LIMCH1: variants seen among roughly 807,000 people sequenced by gnomAD.
The protein encoded by LIMCH1 is LIM and calponin homology domains-containing protein 1.
Under a neutral mutation model 176.5 loss-of-function variants are expected in LIMCH1, and 113 were observed. That is an observed-to-expected ratio of 0.64 (90% CI 0.55 to 0.75). The LOEUF (loss-of-function observed/expected upper bound fraction) is 0.75. LIMCH1 is among the 30% of genes least tolerant of loss of function. The pLI, the probability that LIMCH1 is intolerant of heterozygous loss-of-function variation, is 0.00. For synonymous variants in LIMCH1, 619 were observed against 645.9 expected, an observed-to-expected ratio of 0.96 and a Z score of 0.63; for missense variants, 1,674 against 1,814.9, an observed-to-expected ratio of 0.92 and a Z score of 1.41.
At chr4:41,495,286 G>A (rs935406102) in intron 2 of LIMCH1, among the ~76,000 whole-genome samples, 1 of 152,144 alleles carries the variant, frequency 6.6e-6, no homozygotes, top group Non-Finnish European at 1.5e-5. Context: ...TTTCAATACT[G>A]ATTTTTGTTT....
chr4:41,567,092 G>C (rs559367481), intron 1 of LIMCH1, among the ~76,000 whole-genome samples: 13 of 152,320 alleles, frequency 8.5e-5, no homozygotes, highest in African/African-American at 3.1e-4. Flanking sequence ...CTGCCCAGTG[G>C]TGTGTCATAG....
chr4:41,560,273 T>C (rs961572709), intron 1 of LIMCH1, among the ~76,000 whole-genome samples: 2 of 152,138 alleles, frequency 1.3e-5, no homozygotes, highest in South Asian at 4.1e-4. Flanking sequence ...TTTCTATTCC[T>C]CCTGGCCTTT....
At chr4:41,651,923 C>T (rs1390782776) in intron 18 of LIMCH1, among the ~76,000 whole-genome samples, 1 of 152,196 alleles carries the variant, frequency 6.6e-6, no homozygotes, top group African/African-American at 2.4e-5. Flanking sequence ...ATGCTGGTTT[C>T]ACTAATCTAA....
At chr4:41,382,030 A>C (rs2055751930) in intron 1 of LIMCH1, among the ~76,000 whole-genome samples, 1 of 152,220 alleles carries the variant, frequency 6.6e-6, no homozygotes, top group Admixed American at 6.5e-5. Context: ...CTGATTGAGA[A>C]CTTGTGCTCC....
Position 41,633,632 on chromosome 4 carries a change from T to G in LIMCH1, c.1914T>G (p.Ser638Arg), listed in dbSNP as rs76090142. The G allele has an allele frequency of 6.5e-6, 10 of 1,536,036 alleles. No individual in the cohort carries two copies. In the African/African-American group the frequency reaches 1.1e-4, roughly 17 times the overall value. ...TGACAGCTCCTGCCTGGAGTGGCAG[T>G]GGACTGAAAGGCCAGCGAAAGTTGG... ...EKMTAPAWSG[S>R]GLKGQRKLDD... The change falls in exon 13 of 32, where the codon AGT becomes AGG. Residue 638 changes from serine (S) to arginine (R), a missense_variant. Ser to Arg is a moderately radical substitution (Grantham distance 110). This residue lies in a region of LIMCH1 where 1,015 missense variants were observed against 1,102.5 expected (regional missense o/e 0.92). Coordinates refer to ENST00000503057, the MANE Select transcript of LIMCH1 (RefSeq NM_001330672.2).
At chr4:41,488,325 G>A (rs973165377) in intron 1 of LIMCH1, among the ~76,000 whole-genome samples, 1 of 152,154 alleles carries the variant, frequency 6.6e-6, no homozygotes, top group Non-Finnish European at 1.5e-5. Flanking sequence ...ATCAGTGGCA[G>A]AAAAATCATG....
chr4:41,583,132 C>T (rs1396676180), intron 1 of LIMCH1, among the ~76,000 whole-genome samples: 1 of 152,164 alleles, frequency 6.6e-6, no homozygotes, highest in African/African-American at 2.4e-5. Context: ...TCTTTCTCTA[C>T]ATCTGTGAGG....
intron 4 of LIMCH1, chr4:41,612,581 A>G (rs1224489313): frequency 1.1e-5 from 8 of 702,478 alleles, no homozygotes; most frequent in African/African-American, 3.5e-5. Context: ...TGGCGGGAAC[A>G]AGGCTTTTAT....
chr4:41,379,332 G>A (rs1050852942), intron 1 of LIMCH1, among the ~76,000 whole-genome samples: 3 of 152,162 alleles, frequency 2.0e-5, no homozygotes, highest in Non-Finnish European at 4.4e-5. Context: ...AGGCCTCCCT[G>A]TGGGGCTGCT....
chr4:41,644,674 A>C (rs1460975020), intron 15 of LIMCH1, 48 bp downstream of exon 15: 1 of 1,572,040 alleles, frequency 6.4e-7, no homozygotes, highest in African/African-American at 1.4e-5. Context: ...TTCTGGCAGC[A>C]GAAAATCCAG....
intron 1 of LIMCH1, among the ~76,000 whole-genome samples, chr4:41,407,484 C>T (rs867048623): frequency 6.6e-6 from 1 of 152,312 alleles, no homozygotes. Flanking sequence ...CCCGCCTTGG[C>T]CTCCCAAAGT....
intron 1 of LIMCH1, among the ~76,000 whole-genome samples, chr4:41,395,603 A>G (rs566208112): frequency 6.6e-6 from 1 of 152,266 alleles, no homozygotes; most frequent in East Asian, 1.9e-4. Context: ...AAAGGAAAAT[A>G]TACTATTCTA....
chr4:41,498,149 TGGA>T (rs1370575443), intron 2 of LIMCH1, among the ~76,000 whole-genome samples: 3 of 152,038 alleles, frequency 2.0e-5, no homozygotes, highest in African/African-American at 7.2e-5. Context: ...CTGTGGTCAG[TGGA>T]GGATGTAGGA....
At chr4:41,598,802 G>T in intron 1 of LIMCH1, 118 bp from the exon 2 acceptor site, 2 of 552,834 alleles carry the variant, frequency 3.6e-6, no homozygotes. Flanking sequence ...TGCAAGCTAT[G>T]ATTTAGACCT....
At chr4:41,691,589 A>C (rs1310491572) in intron 30 of LIMCH1, among the ~76,000 whole-genome samples, 1 of 144,368 alleles carries the variant, frequency 6.9e-6, no homozygotes, top group African/African-American at 2.7e-5. Context: ...TTTACTAAAA[A>C]TACAAAAAAA....
intron 2 of LIMCH1, among the ~76,000 whole-genome samples, chr4:41,510,468 G>A (rs1011045380): frequency 3.3e-5 from 5 of 152,144 alleles, no homozygotes; most frequent in African/African-American, 9.7e-5. Context: ...GTCAGGCTTG[G>A]TGGGCTGGCT....
chr4:41,623,620 G>T (rs183415789), intron 7 of LIMCH1, among the ~76,000 whole-genome samples: 153 of 152,236 alleles, frequency 1.0e-3, no homozygotes, highest in Admixed American at 2.9e-3. Flanking sequence ...AATTAGCCAG[G>T]CGTGGTGGCA....
intron 1 of LIMCH1, among the ~76,000 whole-genome samples, chr4:41,546,198 G>T (rs2079366458): frequency 6.6e-6 from 1 of 152,078 alleles, no homozygotes; most frequent in Non-Finnish European, 1.5e-5. Context: ...GAGTGCAGTG[G>T]TGTGATCTCA....
chr4:41,571,287 T>A (rs1304257456), intron 1 of LIMCH1, among the ~76,000 whole-genome samples: 1 of 151,884 alleles, frequency 6.6e-6, no homozygotes, highest in Non-Finnish European at 1.5e-5. Context: ...GGAAAATAAG[T>A]GTGAAGTCTT....
Sources: gnomAD v4.1 joint callset for allele counts (sites outside exome capture counted in the v4.1 genomes callset) on GRCh38, gnomAD v4.1.1 for gene constraint, gnomAD v4.1.1 regional missense constraint, MANE v1.5 for transcripts, NCBI Gene and HGNC (gene_info 2026-07-23, HGNC 2026-07-21) for gene names.